Variants in CDC42BPA observed in about 807,000 individuals in gnomAD.
CDC42BPA encodes the protein CDC42 binding protein kinase alpha.
Under a neutral mutation model 223.5 loss-of-function variants are expected in CDC42BPA, and 80 were observed. The ratio of observed to expected loss-of-function variants is 0.36; its 90% CI spans 0.30 to 0.43. The LOEUF (loss-of-function observed/expected upper bound fraction) is 0.43, where lower values mean the gene tolerates loss of function less well. Among genes scored for constraint, CDC42BPA ranks in the 20% least tolerant of loss-of-function variants. CDC42BPA has a pLI of 1.00. For missense variants in CDC42BPA, 1,743 were observed against 2,099.9 expected (o/e 0.83, Z 3.32); for synonymous variants, 694 against 718.6 (o/e 0.97, Z 0.55).
chr1:227,100,308 C>G (rs1004732771), intron 15 of CDC42BPA, among the ~76,000 whole-genome samples: 7 of 152,152 alleles, frequency 4.6e-5, no homozygotes, highest in African/African-American at 1.7e-4. Flanking sequence ...CACACAGTAG[C>G]AAGAGTGGTG....
At chr1:227,084,645 TC>T (rs972315994) in intron 16 of CDC42BPA, among the ~76,000 whole-genome samples, 25 of 152,140 alleles carry the variant, frequency 1.6e-4, no homozygotes, top group Non-Finnish European at 4.4e-5. Flanking sequence ...ACTCCTTTCT[TC>T]CTTTTTTGTA....
chr1:227,122,607 G>A (rs1199944288), intron 11 of CDC42BPA, among the ~76,000 whole-genome samples: 1 of 152,138 alleles, frequency 6.6e-6, no homozygotes, highest in Non-Finnish European at 1.5e-5. Context: ...CTTTTCAAAA[G>A]TGAAAAAAGC....
chr1:227,179,040 CTTGAAA>C (rs1667453622), intron 5 of CDC42BPA, among the ~76,000 whole-genome samples: 1 of 152,138 alleles, frequency 6.6e-6, no homozygotes, highest in Non-Finnish European at 1.5e-5. Flanking sequence ...ATGACTGAAT[CTTGAAA>C]ACATTATGCT....
intron 21 of CDC42BPA, among the ~76,000 whole-genome samples, chr1:227,054,319 G>C (rs1348385391): frequency 6.6e-6 from 1 of 152,220 alleles, no homozygotes. Context: ...AGCACTGGTT[G>C]AAATTTTACA....
intron 1 of CDC42BPA, among the ~76,000 whole-genome samples, chr1:227,303,645 G>A (rs1449711655): frequency 6.6e-6 from 1 of 152,124 alleles, no homozygotes; most frequent in Non-Finnish European, 1.5e-5. Flanking sequence ...AACTTCTGAA[G>A]ATTCTGCCAA....
chr1:227,059,683 C>A (rs1392728348), intron 21 of CDC42BPA, among the ~76,000 whole-genome samples: 2 of 152,142 alleles, frequency 1.3e-5, no homozygotes. Flanking sequence ...TAGACAATTT[C>A]TTTTCTGGAA....
chr1:227,093,419 T>C (rs1683437579), intron 15 of CDC42BPA, among the ~76,000 whole-genome samples: 1 of 152,278 alleles, frequency 6.6e-6, no homozygotes, highest in South Asian at 2.1e-4. Flanking sequence ...TTATGAGAAA[T>C]GCGAGCCCCT....
At position 226,994,849 on chromosome 1, in the gene CDC42BPA, C is replaced by T; in HGVS notation, c.5107G>A (p.Ala1703Thr). Reference sequence around the variant, plus strand: ...TCTCCGTCAAAGTCCCTCGCTGGGGCATCACTTCCTTGGTCCATGCCTCCA... The same window carrying T: ...TCTCCGTCAAAGTCCCTCGCTGGGGTATCACTTCCTTGGTCCATGCCTCCA... ...SSGGMDQGSD[A>T]PARDFDGEDS... The change falls in exon 36 of 37, where the codon GCC (alanine) becomes ACC (threonine). Residue 1703 changes from alanine to threonine, a missense_variant. Coordinates refer to ENST00000366766, the MANE Select transcript of CDC42BPA (RefSeq NM_001394014.1). The surrounding 1 kb of genome is among the most constrained non-coding windows in gnomAD (Gnocchi z 4.0). The T allele has an allele frequency of 6.2e-7, 1 of 1,613,220 alleles. No individual in the cohort carries two copies. The highest frequency in any genetic ancestry group is 8.5e-7 in the Non-Finnish European group (1 of 1,179,524).
chr1:227,227,627 C>T (rs1677077638), intron 2 of CDC42BPA, among the ~76,000 whole-genome samples: 2 of 152,078 alleles, frequency 1.3e-5, no homozygotes, highest in Non-Finnish European at 2.9e-5. Flanking sequence ...TAATGGATAT[C>T]CAGGCATCAT....
intron 1 of CDC42BPA, among the ~76,000 whole-genome samples, chr1:227,291,950 T>C (rs1689768373): frequency 6.6e-6 from 1 of 152,120 alleles, no homozygotes; most frequent in Admixed American, 6.5e-5. Context: ...AAAGACAATT[T>C]AAAAATAACA....
intron 25 of CDC42BPA, 102 bp from the exon 26 acceptor site, chr1:227,034,896 C>T: frequency 9.5e-7 from 1 of 1,055,666 alleles, no homozygotes; most frequent in Non-Finnish European, 1.3e-6. Flanking sequence ...AGATAATGTA[C>T]ACGTTTTATA....
At chr1:227,052,416 G>C (rs1376436868) in intron 21 of CDC42BPA, among the ~76,000 whole-genome samples, 1 of 152,096 alleles carries the variant, frequency 6.6e-6, no homozygotes, top group African/African-American at 2.4e-5. Context: ...CTCATTAACT[G>C]AAAGTAAAAA....
At chr1:227,018,046 T>TTATTAG (rs1269600261) in intron 32 of CDC42BPA, among the ~76,000 whole-genome samples, 1 of 148,552 alleles carries the variant, frequency 6.7e-6, no homozygotes, top group Non-Finnish European at 1.5e-5. Flanking sequence ...ATTATTATTA[T>TTATTAG]TATTATTATT....
chr1:227,089,192 G>A (rs1682577536), intron 16 of CDC42BPA, among the ~76,000 whole-genome samples: 1 of 152,174 alleles, frequency 6.6e-6, no homozygotes, highest in South Asian at 2.1e-4. Context: ...CTGACTTCTA[G>A]ATCTGTAATT....
chr1:227,211,994 G>A (rs1416349102), intron 3 of CDC42BPA, among the ~76,000 whole-genome samples: 1 of 152,010 alleles, frequency 6.6e-6, no homozygotes, highest in African/African-American at 2.4e-5. Flanking sequence ...GGATGGACTT[G>A]GGTGGTGAAA....
intron 9 of CDC42BPA, among the ~76,000 whole-genome samples, chr1:227,142,473 C>A (rs891548842): frequency 6.6e-6 from 1 of 152,110 alleles, no homozygotes; most frequent in Non-Finnish European, 1.5e-5. Context: ...GATTTTCATG[C>A]GTTCTATTCA....
chr1:227,240,822 A>C (rs1311323944), intron 2 of CDC42BPA, among the ~76,000 whole-genome samples: 3 of 152,058 alleles, frequency 2.0e-5, no homozygotes, highest in Non-Finnish European at 4.4e-5. Context: ...TTGTGATCTG[A>C]GTATAAACAA....
chr1:227,015,670 G>A (rs1031329240), intron 34 of CDC42BPA, among the ~76,000 whole-genome samples: 4 of 146,504 alleles, frequency 2.7e-5, no homozygotes, highest in Admixed American at 2.1e-4. Flanking sequence ...CCAAGCTAAT[G>A]TGGTTCTCTG....
At chr1:227,206,271 A>C (rs939723012) in intron 3 of CDC42BPA, among the ~76,000 whole-genome samples, 4 of 152,212 alleles carry the variant, frequency 2.6e-5, no homozygotes, top group African/African-American at 4.8e-5. Context: ...ATAAACTAGC[A>C]AAGTCTGTAA....
Sources: allele counts gnomAD v4.1 joint callset (sites outside exome capture counted in the v4.1 genomes callset), GRCh38; gene constraint gnomAD v4.1.1; non-coding constraint Gnocchi (gnomAD v3.1); transcripts MANE v1.5; gene names NCBI Gene and HGNC (gene_info 2026-07-23, HGNC 2026-07-21).